TJP2: variants seen among roughly 807,000 people sequenced by gnomAD.
TJP2 encodes the protein Friedreich ataxia region gene X104 (tight junction protein ZO-2).
A neutral mutation model predicts 133.1 loss-of-function variants in TJP2; 91 were observed. That is an observed-to-expected ratio of 0.68 (90% CI 0.58 to 0.81). The LOEUF is 0.81. Ranked by LOEUF, TJP2 falls within the 40% of genes least tolerant of loss-of-function variation. TJP2 has a pLI of 0.00. For synonymous variants in TJP2, 592 were observed against 583.4 expected (o/e 1.01, Z -0.21); for missense variants, 1,541 against 1,565.6 (o/e 0.98, Z 0.26).
chr9:69,219,693 G>C (rs1828662660), intron 4 of TJP2, among the ~76,000 whole-genome samples: 1 of 152,118 alleles, frequency 6.6e-6, no homozygotes, highest in Non-Finnish European at 1.5e-5. Flanking sequence ...CAAGGTGCTG[G>C]GATTACAGGT....
Position 69,131,537 on chromosome 9 carries a change from T to A in TJP2, c.-131+9812T>A, listed in dbSNP as rs1210464098. ...ATTGCGTCTGAGGATGTAAAATATTTCTCTTGGGTTTCGGAAAGAGGCCAA... is the reference window on the plus strand; with the variant it reads ...ATTGCGTCTGAGGATGTAAAATATTACTCTTGGGTTTCGGAAAGAGGCCAA... On this transcript the variant is annotated intron_variant, in intron 1 of 5. Transcript: ENST00000423935. Among the ~76,000 whole-genome samples the A allele has an allele frequency of 2.6e-5, 4 of 152,334 alleles. No homozygotes were observed. In the South Asian group the frequency reaches 8.3e-4, roughly 32 times the overall value.
At chr9:69,220,175 G>C (rs1828706828) in intron 4 of TJP2, among the ~76,000 whole-genome samples, 1 of 152,042 alleles carries the variant, frequency 6.6e-6, no homozygotes, top group Non-Finnish European at 1.5e-5. Context: ...ATAAGGCATT[G>C]ACTTTTCTTC....
chr9:69,255,161 A>G lies in TJP2; in HGVS notation c.*787A>G, dbSNP rs1335951416. 2 of 152,366 alleles carry G rather than the reference A, an allele frequency of 1.3e-5. No individual in the cohort carries two copies. The highest frequency in any genetic ancestry group is 4.8e-5 in the African/African-American group (2 of 41,478). 9.4% of individuals were successfully genotyped at this position (152,366 alleles called of 1,614,324 possible). A position where few individuals can be genotyped will look rare whatever the true frequency, so the allele number is the denominator to read the frequency against. ...ATTTCCAAAAGCACATGTATTGACA[A>G]CAGTTTTATAATTTAATAAAAAGGA... is the stretch of plus-strand genomic sequence containing the variant. On this transcript the variant is annotated 3_prime_UTR_variant, in exon 23 of 23. Transcript: ENST00000377245.
At chr9:69,216,568 A>G in intron 3 of TJP2, 105 bp downstream of exon 3, 2 of 1,254,528 alleles carry the variant, frequency 1.6e-6, no homozygotes, top group South Asian at 1.4e-5. Context: ...GAAAAAAATA[A>G]CAAACTTTTA....
At chr9:69,159,879 A>G (rs1823975417) in intron 2 of TJP2, among the ~76,000 whole-genome samples, 1 of 136,098 alleles carries the variant, frequency 7.3e-6, no homozygotes, top group African/African-American at 2.7e-5. Flanking sequence ...AAAAAAAAAA[A>G]GAAAGAAATA....
At chr9:69,177,030 T>C (rs1290127808) in intron 1 of TJP2, among the ~76,000 whole-genome samples, 1 of 152,244 alleles carries the variant, frequency 6.6e-6, no homozygotes, top group Non-Finnish European at 1.5e-5. Flanking sequence ...CAACATATTC[T>C]ACCAACAATA....
rs144853614 is a variant in TJP2 at position 69,125,063 on chromosome 9, G to C, written c.-131+3338G>C. ...TGCTTCCCAGGTTCAAGCGATTTTC[G>C]TGCCTCAGCCTCCCAAGTAGCTGGG... On this transcript the variant is annotated intron_variant, in intron 1 of 5. Coordinates refer to the TJP2 transcript ENST00000423935. Among the ~76,000 whole-genome samples the C allele has an allele frequency of 3.3e-3, 246 of 75,436 alleles. 88 individuals are homozygous for C. Among genetic ancestry groups the C allele is most frequent in the African/African-American group, 9.6e-3 (237 of 24,578 alleles). 49.5% of individuals were successfully genotyped at this position (75,436 alleles called of 152,430 possible).
At position 69,212,578 on chromosome 9, in the gene TJP2, C is replaced by G. The variant is rs768120179; in HGVS notation, c.91C>G (p.Gln31Glu). 1 of 1,613,362 alleles carries G rather than the reference C, an allele frequency of 6.2e-7. No individual in the cohort carries two copies. Among genetic ancestry groups the G allele is most frequent in the East Asian group, 2.2e-5 (1 of 44,824 alleles). ...APGMEELIWE[Q>E]YTVTLQKDSK... ...AGGCATGGAAGAGCTGATATGGGAA[C>G]AGTACACTGTGACCCTACAAAAGGT... Residue 31 changes from glutamine (Q) to glutamate (E), a missense_variant, in exon 2 of 23, where the codon CAG becomes GAG. Gln to Glu is a conservative substitution (Grantham distance 29, BLOSUM62 2). Coordinates refer to ENST00000377245, the MANE Select transcript of TJP2 (RefSeq NM_004817.4).
chr9:69,143,237 A>G (rs995506440), intron 1 of TJP2, among the ~76,000 whole-genome samples: 16 of 152,254 alleles, frequency 1.1e-4, no homozygotes, highest in African/African-American at 3.9e-4. Flanking sequence ...CGAAAATTCC[A>G]ATAAAAAATG....
chr9:69,242,049 G>T (rs1021755735), intron 17 of TJP2, among the ~76,000 whole-genome samples: 2 of 152,202 alleles, frequency 1.3e-5, no homozygotes, highest in African/African-American at 2.4e-5. Context: ...TGGGATTCAC[G>T]TGAGGATGTA....
rs1831308417 is a variant in TJP2 at position 69,251,226 on chromosome 9, TGAG to T, written c.3188_3190del (p.Glu1063del). 3 of 1,613,604 alleles carry T rather than the reference TGAG, an allele frequency of 1.9e-6. No homozygotes were observed. In the African/African-American group the frequency reaches 4.0e-5, roughly 22 times the overall value. ...CCACTCCCATCCCTCCTCAAGAGGG[TGAG>T]GAGGTGGGAGAGAGCAGTGAGGAGC... On this transcript the variant is annotated inframe_deletion, in exon 21 of 23. Transcript: ENST00000377245.
chr9:69,144,212 G>A (rs1383944596), intron 1 of TJP2, among the ~76,000 whole-genome samples: 1 of 152,066 alleles, frequency 6.6e-6, no homozygotes, highest in Non-Finnish European at 1.5e-5. Context: ...GGAAATAGAT[G>A]GCATAATACT....
At position 69,216,284 on chromosome 9, in the gene TJP2, A is replaced by G. The variant is rs912262760; in HGVS notation, c.115-55A>G. The G allele has an allele frequency of 1.9e-6, 3 of 1,610,454 alleles. No homozygotes were observed. In the African/African-American group the frequency reaches 4.0e-5, roughly 22 times the overall value. ...TTATTTTATTGAGTGCTTGTAATAA[A>G]TCCTGAAAGCCACTTATTGAAGGAT... On this transcript the variant is annotated intron_variant, in intron 2 of 22. Coordinates refer to ENST00000377245, the MANE Select transcript of TJP2 (RefSeq NM_004817.4).
chr9:69,222,754 C>T (rs1253786252), intron 5 of TJP2, among the ~76,000 whole-genome samples: 3 of 152,092 alleles, frequency 2.0e-5, no homozygotes, highest in Middle Eastern at 3.2e-3. Flanking sequence ...TCAGGCCCAA[C>T]CCAGTCCCAC....
rs551884337 is a variant in TJP2 at position 69,196,954 on chromosome 9, C to T, written c.61-15594C>T. Among the ~76,000 whole-genome samples, 194 of 150,844 alleles carry T rather than the reference C, an allele frequency of 1.3e-3. 1 individual carries two copies. The highest frequency in any genetic ancestry group is 2.3e-3 in the Non-Finnish European group (153 of 67,816). Reference sequence around the variant, plus strand: ...GTGTGTGTGTGTGTGTGTACACACACACACACACACACACACACACACATG... The same window carrying T: ...GTGTGTGTGTGTGTGTGTACACACATACACACACACACACACACACACATG... On this transcript the variant is annotated intron_variant, in intron 1 of 22. Coordinates refer to ENST00000377245, the MANE Select transcript of TJP2 (RefSeq NM_004817.4).
At chr9:69,201,337 C>T (rs931643335) in intron 1 of TJP2, among the ~76,000 whole-genome samples, 2 of 152,138 alleles carry the variant, frequency 1.3e-5, no homozygotes, top group Non-Finnish European at 2.9e-5. Context: ...GTTGTTCTTA[C>T]GTTCTGATGG....
Position 69,189,791 on chromosome 9 carries a change from A to G in TJP2, c.60+15359A>G, listed in dbSNP as rs1374396633. On this transcript the variant is annotated intron_variant, in intron 1 of 22. Transcript: ENST00000377245. ...TGATGGTGGGCAAGGGAAACTTCCAATGCCTATCCCCTCACTTTAAAAAAA... is the reference window on the plus strand; with the variant it reads ...TGATGGTGGGCAAGGGAAACTTCCAGTGCCTATCCCCTCACTTTAAAAAAA... Among the ~76,000 whole-genome samples the G allele has an allele frequency of 1.2e-4, 13 of 110,538 alleles. 3 individuals carry two copies. The highest frequency in any genetic ancestry group is 6.1e-5 in the Non-Finnish European group (3 of 49,382). 72.5% of individuals were successfully genotyped at this position (110,538 alleles called of 152,430 possible). A position where few individuals can be genotyped will look rare whatever the true frequency, so the allele number is the denominator to read the frequency against.
intron 2 of TJP2, among the ~76,000 whole-genome samples, chr9:69,160,423 C>T (rs957065153): frequency 6.6e-6 from 1 of 152,172 alleles, no homozygotes; most frequent in Non-Finnish European, 1.5e-5. Context: ...GATGTACCTT[C>T]TACAAACCTG....
chr9:69,178,608 TG>T (rs1487621506), intron 1 of TJP2, among the ~76,000 whole-genome samples: 2 of 152,238 alleles, frequency 1.3e-5, no homozygotes, highest in Non-Finnish European at 2.9e-5. Context: ...TTGAATTTGA[TG>T]GACTTTCTGT....
Sources: gnomAD v4.1 joint callset for allele counts (sites outside exome capture counted in the v4.1 genomes callset) on GRCh38, gnomAD v4.1.1 for gene constraint, MANE v1.5 for transcripts, NCBI Gene and HGNC (gene_info 2026-07-23, HGNC 2026-07-21) for gene names.